Variants in MEF2C observed in about 807,000 individuals in gnomAD.
MEF2C encodes myocyte-specific enhancer factor 2C.
Under a neutral mutation model 50.5 loss-of-function variants are expected in MEF2C, and 6 were observed. That is an observed-to-expected ratio of 0.12 (90% CI 0.07 to 0.23). The LOEUF (loss-of-function observed/expected upper bound fraction) is 0.23, where lower values mean the gene tolerates loss of function less well. MEF2C is among the 10% of genes least tolerant of loss of function. The pLI is 1.00. For missense variants in MEF2C, 276 were observed against 605.0 expected, an observed-to-expected ratio of 0.46 and a Z score of 5.70; for synonymous variants, 183 against 228.0, an observed-to-expected ratio of 0.80 and a Z score of 1.78.
chr5:88,880,580 T>C (rs72773821), intron 1 of MEF2C, among the ~76,000 whole-genome samples: 6,038 of 152,256 alleles, frequency 0.04, 183 homozygotes, highest in South Asian at 0.058. Flanking sequence ...CTGTTCTTTA[T>C]AAAAGAAGTT....
intron 3 of MEF2C, chr5:88,780,793 C>A (rs1256857267): frequency 2.0e-6 from 2 of 985,268 alleles, no homozygotes; most frequent in African/African-American, 3.5e-5. Flanking sequence ...CTTGTGTTAT[C>A]CTTGCTAATT....
intron 3 of MEF2C, among the ~76,000 whole-genome samples, chr5:88,781,359 G>T (rs1189153778): frequency 6.6e-6 from 1 of 152,192 alleles, no homozygotes; most frequent in African/African-American, 2.4e-5. Flanking sequence ...AGCATCATGT[G>T]CTAATGGCTA....
intron 3 of MEF2C, among the ~76,000 whole-genome samples, chr5:88,792,607 T>C (rs1234048020): frequency 6.6e-6 from 1 of 152,232 alleles, no homozygotes; most frequent in Non-Finnish European, 1.5e-5. Flanking sequence ...TCTGTGATGA[T>C]CAATGCATTC....
chr5:88,820,292 T>C (rs1309824629), intron 2 of MEF2C, among the ~76,000 whole-genome samples: 1 of 152,116 alleles, frequency 6.6e-6, no homozygotes, highest in East Asian at 1.9e-4. Flanking sequence ...TCAATTTTTA[T>C]TCTCACCTAA....
chr5:88,795,139 T>C (rs552201494), intron 3 of MEF2C, among the ~76,000 whole-genome samples: 12 of 152,172 alleles, frequency 7.9e-5, no homozygotes, highest in African/African-American at 2.9e-4. Flanking sequence ...CTTTTTTGGT[T>C]CCATATGAAA....
At chr5:88,767,796 A>G (rs914813536) in intron 3 of MEF2C, among the ~76,000 whole-genome samples, 98 of 152,342 alleles carry the variant, frequency 6.4e-4, no homozygotes, top group African/African-American at 2.3e-3. Flanking sequence ...AAGCCTTTTC[A>G]TGTATTGAAC....
chr5:88,744,244 C>G, intron 6 of MEF2C: 1 of 680,330 alleles, frequency 1.5e-6, no homozygotes, highest in Non-Finnish European at 1.8e-6. Context: ...AATAACCACT[C>G]AGATTAGCAT....
intron 1 of MEF2C, among the ~76,000 whole-genome samples, chr5:88,825,263 G>T (rs1180514686): frequency 1.3e-5 from 2 of 150,982 alleles, no homozygotes; most frequent in Non-Finnish European, 3.0e-5. Flanking sequence ...ATCACCTTGG[G>T]TATTTTTTTT....
At chr5:88,758,962 T>C (rs1776622860) in intron 4 of MEF2C, among the ~76,000 whole-genome samples, 1 of 152,236 alleles carries the variant, frequency 6.6e-6, no homozygotes, top group Admixed American at 6.5e-5. Flanking sequence ...CCAATGTGCA[T>C]TCTTCCAGAA....
At chr5:88,761,471 G>A in intron 3 of MEF2C, 143 bp from the exon 4 acceptor site, 6 of 1,009,918 alleles carry the variant, frequency 5.9e-6, no homozygotes, top group Non-Finnish European at 7.1e-6. Flanking sequence ...ACAGATGAAA[G>A]CTGAGTCATT....
intron 5 of MEF2C, chr5:88,749,989 C>T (rs545407169): frequency 3.0e-5 from 5 of 165,580 alleles, no homozygotes; most frequent in African/African-American, 7.3e-5. Flanking sequence ...GAGATGGTGC[C>T]ACTGCACTCC....
Position 88,835,974 on chromosome 5 carries a change from T to C in MEF2C, c.-142-12044A>G, listed in dbSNP as rs184447304. On this transcript the variant is annotated intron_variant, in intron 1 of 10. Coordinates refer to ENST00000504921, the MANE Select transcript of MEF2C (RefSeq NM_002397.5). ...CAAAATTTCCTATGCCTTAAGGAAT[T>C]AGGGGTATATATTTTCAATTCTCCC... is the stretch of plus-strand genomic sequence containing the variant. 1.4e-3 allele frequency among the ~76,000 whole-genome samples: 212 copies of C among 152,208 alleles called. 1 individual carries two copies. Among genetic ancestry groups the C allele is most frequent in the East Asian group, 4.2e-3 (22 of 5,180 alleles).
Position 88,819,276 on chromosome 5 carries a change from A to G in MEF2C, c.54+4459T>C, listed in dbSNP as rs1424347083. 5 of 895,566 alleles carry G rather than the reference A, an allele frequency of 5.6e-6. No homozygotes were observed. The Admixed American group carries it at 3.1e-4, about 56-fold the overall frequency. The allele number at this position is 895,566 out of a possible 1,614,324, so 55.5% of individuals were successfully genotyped here. On this transcript the variant is annotated intron_variant, in intron 2 of 10. Coordinates refer to ENST00000504921, the MANE Select transcript of MEF2C (RefSeq NM_002397.5). ...TAGATGCATCATGACATAATTTTAA[A>G]AAGCATAATTTGTTTCGTGTTGAAT... is the stretch of plus-strand genomic sequence containing the variant.
intron 2 of MEF2C, among the ~76,000 whole-genome samples, chr5:88,823,387 G>A (rs1021312686): frequency 1.3e-5 from 2 of 151,870 alleles, no homozygotes; most frequent in African/African-American, 4.8e-5. Flanking sequence ...TAGTTCCCAT[G>A]AATATAAGAA....
At chr5:88,791,745 T>TG in intron 3 of MEF2C, among the ~76,000 whole-genome samples, 1 of 152,238 alleles carries the variant, frequency 6.6e-6, no homozygotes, top group Admixed American at 6.5e-5. Context: ...ATTTCTTCTT[T>TG]AAGACTTTGG....
In MEF2C at chr5:88,717,857, T is replaced by C. The variant is rs370582966; in HGVS notation, c.*4747A>G. 49 of 152,360 alleles carry C rather than the reference T, an allele frequency of 3.2e-4. 2 individuals are homozygous for C. The East Asian group carries it at 7.9e-3, about 25-fold the overall frequency. 9.4% of individuals were successfully genotyped at this position (152,360 alleles called of 1,614,324 possible). On this transcript the variant is annotated 3_prime_UTR_variant, in exon 11 of 11. Coordinates refer to ENST00000504921, the MANE Select transcript of MEF2C (RefSeq NM_002397.5). Reference sequence around the variant, plus strand: ...TTACTTCGAAGAAGAAAAAAGGAACTCTTTTGGAAACACTTTCTACAGATT... The same window carrying C: ...TTACTTCGAAGAAGAAAAAAGGAACCCTTTTGGAAACACTTTCTACAGATT...
chr5:88,894,212 G>T (rs947090905), intron 1 of MEF2C, among the ~76,000 whole-genome samples: 1 of 152,120 alleles, frequency 6.6e-6, no homozygotes, highest in Non-Finnish European at 1.5e-5. Context: ...ACACACTAAA[G>T]CTGTGAGTGC....
chr5:88,853,785 T>C (rs778573938), intron 1 of MEF2C, among the ~76,000 whole-genome samples: 4 of 152,236 alleles, frequency 2.6e-5, no homozygotes, highest in Non-Finnish European at 5.9e-5. Context: ...GCGATCCACA[T>C]GGTCAGATGC....
intron 6 of MEF2C, among the ~76,000 whole-genome samples, chr5:88,732,162 T>C (rs562435817): frequency 3.9e-5 from 6 of 152,154 alleles, no homozygotes; most frequent in Non-Finnish European, 7.4e-5. Context: ...CTTTTTTTCC[T>C]ATCAAAAATA....
Sources: allele counts gnomAD v4.1 joint callset (sites outside exome capture counted in the v4.1 genomes callset), GRCh38; gene constraint gnomAD v4.1.1; transcripts MANE v1.5; gene names NCBI Gene and HGNC (gene_info 2026-07-23, HGNC 2026-07-21).